DNAJB1: variants seen among roughly 807,000 people sequenced by gnomAD.
DNAJB1 encodes the protein dnaJ homolog subfamily B member 1.
In DNAJB1, 14 loss-of-function variants were observed where a neutral mutation model predicts 24.0. The observed-to-expected ratio is 0.58, with a 90% CI of 0.39 to 0.91. The LOEUF (loss-of-function observed/expected upper bound fraction) is 0.91, where lower values mean the gene tolerates loss of function less well. Among genes scored for constraint, DNAJB1 ranks in the 40% least tolerant of loss-of-function variants. The probability of loss-of-function intolerance (pLI) is 0.00; values close to 1 mark genes in which losing one functional copy is unlikely to be tolerated. For synonymous variants in DNAJB1, 262 were observed against 174.4 expected (o/e 1.50, Z -3.96); for missense variants, 517 against 458.1 (o/e 1.13, Z -1.17).
chr19:14,542,058 C>T (rs938840653), intron 1 of DNAJB1, among the ~76,000 whole-genome samples: 26 of 152,250 alleles, frequency 1.7e-4, no homozygotes, highest in Non-Finnish European at 3.1e-4. Context: ...GCTGGGATTA[C>T]AGGCGTGAGC....
chr19:14,535,562 A>ATGTATATG (rs2072858283), intron 1 of DNAJB1, among the ~76,000 whole-genome samples: 1 of 27,914 alleles, frequency 3.6e-5, no homozygotes, highest in African/African-American at 1.4e-4. Context: ...ATATATATAT[A>ATGTATATG]TATATATATA....
upstream of DNAJB1, among the ~76,000 whole-genome samples, chr19:14,521,221 G>A (rs1324176686): frequency 6.6e-6 from 1 of 152,098 alleles, no homozygotes; most frequent in Non-Finnish European, 1.5e-5. Context: ...CACTTTGGGA[G>A]GCTGAGGCAG....
intron 1 of DNAJB1, among the ~76,000 whole-genome samples, chr19:14,537,947 T>C (rs2072962821): frequency 6.6e-6 from 1 of 152,134 alleles, no homozygotes; most frequent in Admixed American, 6.6e-5. Context: ...GGTTTCACCA[T>C]GTTGGCCAGG....
intron 1 of DNAJB1, among the ~76,000 whole-genome samples, chr19:14,549,507 G>A (rs192589775): frequency 6.6e-6 from 1 of 151,970 alleles, no homozygotes; most frequent in African/African-American, 2.4e-5. Context: ...AAAAGTTTTT[G>A]TAGAGATAAG....
At chr19:14,528,253 T>C (rs961267437) in intron 1 of DNAJB1, among the ~76,000 whole-genome samples, 15 of 100,420 alleles carry the variant, frequency 1.5e-4, no homozygotes, top group African/African-American at 5.6e-4. Context: ...TTCTTTTTTC[T>C]TTTTTTTTTT....
At chr19:14,530,374 G>T (rs1213251269), upstream of DNAJB1, 1 of 153,400 alleles carries the variant, frequency 6.5e-6, no homozygotes, top group African/African-American at 2.4e-5. Context: ...CCCTTAAAAC[G>T]AAGTCTTCTG....
chr19:14,532,005 T>TGAA (rs1351007315), upstream of DNAJB1: 1 of 133,918 alleles, frequency 7.5e-6, no homozygotes, highest in African/African-American at 2.9e-5. Flanking sequence ...AGACCCTGTT[T>TGAA]GAAGAAAAAA....
intron 1 of DNAJB1, among the ~76,000 whole-genome samples, chr19:14,543,429 T>A (rs1470574840): frequency 0.015 from 177 of 11,876 alleles, 2 homozygotes; most frequent in East Asian, 0.026. Flanking sequence ...ATTTTTTTTT[T>A]TTTTTTTTTT....
intron 1 of DNAJB1, among the ~76,000 whole-genome samples, chr19:14,555,344 G>T (rs1289530654): frequency 1.3e-5 from 2 of 150,886 alleles, no homozygotes; most frequent in African/African-American, 2.4e-5. Context: ...TGCCTCCTGG[G>T]TTCAAGCGAT....
chr19:14,558,545 G>T (rs1265548451), intron 1 of DNAJB1, among the ~76,000 whole-genome samples: 1 of 152,158 alleles, frequency 6.6e-6, no homozygotes, highest in Admixed American at 6.5e-5. Context: ...TCTCAGGCTA[G>T]TGGAACTGTC....
chr19:14,543,718 G>A (rs1378874492), intron 1 of DNAJB1, among the ~76,000 whole-genome samples: 4 of 150,266 alleles, frequency 2.7e-5, no homozygotes, highest in African/African-American at 9.8e-5. Flanking sequence ...GATTACAGGC[G>A]TGAGCCACCG....
chr19:14,515,280 C>CT lies in DNAJB1; in HGVS notation c.*659dup, dbSNP rs1240370822. The CT allele has an allele frequency of 2.0e-5, 3 of 152,732 alleles. No individual in the cohort carries two copies. The highest frequency in any genetic ancestry group is 4.4e-5 in the Non-Finnish European group (3 of 68,094). 9.5% of individuals were successfully genotyped at this position (152,732 alleles called of 1,614,324 possible). On this transcript the variant is annotated 3_prime_UTR_variant, in exon 3 of 3. Transcript: ENST00000254322. ...CTGGAGCCAGAGGTCAGGAAGGCCC[C>CT]TTGCTGAGGCCAGGCTCCCAGACCA... is the stretch of plus-strand genomic sequence containing the variant.
At chr19:14,539,222 C>T (rs1293145177) in intron 1 of DNAJB1, among the ~76,000 whole-genome samples, 3 of 143,406 alleles carry the variant, frequency 2.1e-5, no homozygotes, top group Non-Finnish European at 4.5e-5. Flanking sequence ...TCTCGATCTC[C>T]TGACTTCGTG....
upstream of DNAJB1, among the ~76,000 whole-genome samples, chr19:14,552,172 CTT>C (rs536176918): frequency 3.2e-4 from 43 of 133,352 alleles, no homozygotes; most frequent in Admixed American, 4.6e-4. Context: ...TTTCTTTTTT[CTT>C]TTTTTTTTTT....
At chr19:14,518,795 A>C (rs533624710), upstream of DNAJB1, among the ~76,000 whole-genome samples, 2 of 152,338 alleles carry the variant, frequency 1.3e-5, no homozygotes, top group East Asian at 3.9e-4. Context: ...GGGACTACCC[A>C]GTCCTTTCCC....
chr19:14,545,216 G>T (rs1189759582), intron 1 of DNAJB1: 1 of 456,712 alleles, frequency 2.2e-6, no homozygotes, highest in Non-Finnish European at 4.4e-6. Context: ...CTCTGCTCCA[G>T]CCTGCTGCTT....
chr19:14,552,849 A>G (rs926545715), upstream of DNAJB1, among the ~76,000 whole-genome samples: 2 of 152,002 alleles, frequency 1.3e-5, no homozygotes, highest in Non-Finnish European at 2.9e-5. Context: ...TCTTTTTCTT[A>G]TAGGGCCTGG....
At chr19:14,523,163 G>A (rs867375526), upstream of DNAJB1, among the ~76,000 whole-genome samples, 13 of 151,982 alleles carry the variant, frequency 8.6e-5, no homozygotes, top group South Asian at 4.2e-4. Flanking sequence ...CCAAGATCAC[G>A]CCACTGTACT....
At chr19:14,537,099 G>A (rs1389087888) in intron 1 of DNAJB1, among the ~76,000 whole-genome samples, 1 of 146,282 alleles carries the variant, frequency 6.8e-6, no homozygotes, top group Non-Finnish European at 1.5e-5. Context: ...AGGAGGAGGA[G>A]GGGGCAGGGC....
Sources: gnomAD v4.1 joint callset for allele counts (sites outside exome capture counted in the v4.1 genomes callset) on GRCh38, gnomAD v4.1.1 for gene constraint, MANE v1.5 for transcripts, NCBI Gene and HGNC (gene_info 2026-07-23, HGNC 2026-07-21) for gene names.